Variants in HDAC9 observed in about 807,000 individuals in gnomAD.
HDAC9 encodes the protein histone deacetylase 9.
In HDAC9, 41 loss-of-function variants were observed where a neutral mutation model predicts 139.4. The observed-to-expected ratio is 0.29, with a 90% CI of 0.23 to 0.38. The LOEUF (loss-of-function observed/expected upper bound fraction) is 0.38, where lower values mean the gene tolerates loss of function less well. Among genes scored for constraint, HDAC9 ranks in the 10% least tolerant of loss-of-function variants. The pLI is 1.00. For missense variants in HDAC9, 1,147 were observed against 1,297.0 expected, an observed-to-expected ratio of 0.88 and a Z score of 1.78; for synonymous variants, 517 against 476.2, an observed-to-expected ratio of 1.09 and a Z score of -1.12.
intron 2 of HDAC9, among the ~76,000 whole-genome samples, chr7:18,164,335 A>G (rs766015543): frequency 2.0e-5 from 3 of 152,198 alleles, no homozygotes; most frequent in South Asian, 4.1e-4. Context: ...ATTAGCCTGC[A>G]TCTTAGGGTG....
chr7:18,261,315 AAAAAT>A (rs1387933709), intron 2 of HDAC9, among the ~76,000 whole-genome samples: 2 of 152,104 alleles, frequency 1.3e-5, no homozygotes, highest in African/African-American at 4.8e-5. Flanking sequence ...CTCCAAAATA[AAAAAT>A]AAAATAAAAT....
At chr7:18,509,925 T>A (rs992142858) in intron 2 of HDAC9, among the ~76,000 whole-genome samples, 6 of 152,194 alleles carry the variant, frequency 3.9e-5, no homozygotes, top group Admixed American at 3.9e-4. Flanking sequence ...TTTTATTCCC[T>A]ACAGTACCTA....
rs555639181 is a variant in HDAC9, at chr7:18,822,179, G to A, written c.2323-6982G>A. On this transcript the variant is annotated intron_variant, in intron 17 of 25. Coordinates refer to ENST00000686413, the MANE Select transcript of HDAC9 (RefSeq NM_178425.4). The stretch of plus-strand genomic sequence containing the variant: ...CTCTCTCCTCCCCAGAGGTTGGGCT[G>A]TGGGGATAAATATTTCAATCTTCTA... Among the ~76,000 whole-genome samples the A allele has an allele frequency of 1.2e-3, 176 of 152,274 alleles. 1 individual carries two copies. In the South Asian group the frequency reaches 0.035, roughly 30 times the overall value.
chr7:18,754,953 A>G (rs775373307), intron 14 of HDAC9, among the ~76,000 whole-genome samples: 1 of 152,172 alleles, frequency 6.6e-6, no homozygotes, highest in East Asian at 1.9e-4. Context: ...CTGCAAGTTA[A>G]TGGAAATTCA....
chr7:18,505,590 T>C (rs1799546316), intron 2 of HDAC9, among the ~76,000 whole-genome samples: 1 of 152,208 alleles, frequency 6.6e-6, no homozygotes, highest in African/African-American at 2.4e-5. Context: ...TTTTACTTTA[T>C]CTTGAGTTAA....
At chr7:18,343,552 C>A (rs149408667) in intron 1 of HDAC9, among the ~76,000 whole-genome samples, 10 of 151,598 alleles carry the variant, frequency 6.6e-5, no homozygotes, top group Admixed American at 5.3e-4. Context: ...GAAGAAGGAG[C>A]GATTTTTTAA....
chr7:18,348,221 T>C (rs772003032), intron 1 of HDAC9, among the ~76,000 whole-genome samples: 2 of 152,220 alleles, frequency 1.3e-5, no homozygotes, highest in Non-Finnish European at 2.9e-5. Context: ...TTATCTGATT[T>C]AATTAATTAT....
rs552084362 is a variant in HDAC9, at chr7:18,605,863, G to A, written c.664+11834G>A. Among the ~76,000 whole-genome samples the A allele has an allele frequency of 4.6e-5, 7 of 152,066 alleles. No individual in the cohort carries two copies. In the South Asian group the frequency reaches 1.5e-3, roughly 32 times the overall value. On this transcript the variant is annotated intron_variant, in intron 6 of 25. Coordinates refer to ENST00000686413, the MANE Select transcript of HDAC9 (RefSeq NM_178425.4). The stretch of plus-strand genomic sequence containing the variant: ...GCCCAGCTAATTTTTTGTATTTTCA[G>A]TAGAGATGGGATTTCATCGTGTTAG...
chr7:18,331,610 G>C (rs745469816), intron 1 of HDAC9, among the ~76,000 whole-genome samples: 14 of 145,096 alleles, frequency 9.6e-5, no homozygotes, highest in Non-Finnish European at 2.2e-4. Flanking sequence ...ATGTATCCCA[G>C]AACTTAAAGT....
intron 1 of HDAC9, among the ~76,000 whole-genome samples, chr7:18,442,884 G>T (rs1022302215): frequency 6.6e-6 from 1 of 152,158 alleles, no homozygotes. Flanking sequence ...CAGGGAAGGT[G>T]ACTTTGTTGT....
chr7:18,107,397 T>C (rs1215073925), intron 1 of HDAC9, among the ~76,000 whole-genome samples: 2 of 152,232 alleles, frequency 1.3e-5, no homozygotes, highest in African/African-American at 4.8e-5. Context: ...AATGTAGGCA[T>C]GTGAGAGAGA....
intron 1 of HDAC9, among the ~76,000 whole-genome samples, chr7:18,344,236 G>T (rs2128665340): frequency 6.6e-6 from 1 of 151,918 alleles, no homozygotes; most frequent in East Asian, 1.9e-4. Context: ...GAACCCAGTA[G>T]ATGAAAATAT....
chr7:18,135,793 C>A (rs1785367020), intron 1 of HDAC9, among the ~76,000 whole-genome samples: 1 of 148,956 alleles, frequency 6.7e-6, no homozygotes, highest in Non-Finnish European at 1.5e-5. Flanking sequence ...AGCAGCATGA[C>A]TTATAGTCCT....
In HDAC9 at chr7:18,989,584, A is replaced by C. The variant is rs1281488265; in HGVS notation, c.3171-6439A>C. On this transcript the variant is annotated intron_variant, in intron 25 of 25. Transcript: ENST00000686413. ...TTTGTGGCGTTCTCTGTATTTCCTG[A>C]ATCTGAATGTTGGCCTGCCTTGCTA... Among the ~76,000 whole-genome samples the C allele has an allele frequency of 2.2e-4, 33 of 150,568 alleles. No individual in the cohort carries two copies. In the East Asian group the frequency reaches 5.1e-3, roughly 23 times the overall value.
intron 12 of HDAC9, among the ~76,000 whole-genome samples, chr7:18,703,826 A>G (rs1233691478): frequency 1.3e-5 from 2 of 151,716 alleles, no homozygotes; most frequent in Non-Finnish European, 2.9e-5. Flanking sequence ...AGGCAGAACT[A>G]TGCAAGTGTG....
chr7:18,364,291 C>A (rs972235064), intron 1 of HDAC9, among the ~76,000 whole-genome samples: 1 of 151,898 alleles, frequency 6.6e-6, no homozygotes, highest in Non-Finnish European at 1.5e-5. Context: ...ATCTTTAAAG[C>A]GAAAAATTTC....
At chr7:18,396,770 A>G (rs1182449952) in intron 1 of HDAC9, among the ~76,000 whole-genome samples, 1 of 152,166 alleles carries the variant, frequency 6.6e-6, no homozygotes, top group Non-Finnish European at 1.5e-5. Flanking sequence ...GGAATTTTAC[A>G]TGGGAAAAAT....
intron 1 of HDAC9, among the ~76,000 whole-genome samples, chr7:18,319,948 TTTG>T (rs1159329989): frequency 6.6e-6 from 1 of 152,228 alleles, no homozygotes; most frequent in Non-Finnish European, 1.5e-5. Context: ...CTAGCAGGTT[TTTG>T]TTGTTGTTGA....
At chr7:18,123,853 CTCATT>C (rs1312046180) in intron 1 of HDAC9, among the ~76,000 whole-genome samples, 2 of 152,184 alleles carry the variant, frequency 1.3e-5, no homozygotes, top group Non-Finnish European at 2.9e-5. Flanking sequence ...AATTTAACAT[CTCATT>C]TAAGTCAGGG....
Sources: gnomAD v4.1 joint callset for allele counts (sites outside exome capture counted in the v4.1 genomes callset) on GRCh38, gnomAD v4.1.1 for gene constraint, MANE v1.5 for transcripts, NCBI Gene and HGNC (gene_info 2026-07-23, HGNC 2026-07-21) for gene names.